TRIO: variants seen among roughly 807,000 people sequenced by gnomAD.
TRIO encodes trio Rho guanine nucleotide exchange factor.
A neutral mutation model predicts 351.9 loss-of-function variants in TRIO; 58 were observed. That is an observed-to-expected ratio of 0.16 (90% CI 0.13 to 0.21). TRIO has a LOEUF of 0.21. Among genes scored for constraint, TRIO ranks in the 10% least tolerant of loss-of-function variants. The pLI is 1.00. For missense variants in TRIO, 3,201 were observed against 4,027.8 expected (o/e 0.79, Z 5.56); for synonymous variants, 1,758 against 1,595.7 (o/e 1.10, Z -2.42).
In TRIO at chr5:14,405,966, C is replaced by A. The variant is rs753101783; in HGVS notation, c.4835C>A (p.Pro1612His). 1 of 1,613,482 alleles carries A rather than the reference C, an allele frequency of 6.2e-7. No homozygotes were observed. Among genetic ancestry groups the A allele is most frequent in the Non-Finnish European group, 8.5e-7 (1 of 1,179,902 alleles). Reference sequence around the variant, plus strand: ...CCCATTCACATCCCTAAGACCGCTCCCGCCACAAGACAGAAGGGAAGGAGG... The same window carrying A: ...CCCATTCACATCCCTAAGACCGCTCACGCCACAAGACAGAAGGGAAGGAGG... ...KEPIHIPKTA[P>H]ATRQKGRRDG... Residue 1612 changes from proline (P) to histidine (H), a missense_variant, in exon 32 of 57, where the codon CCC becomes CAC. Pro to His is a moderately conservative substitution (Grantham distance 77). This residue lies in a region of TRIO where 136 missense variants were observed against 229.5 expected (regional missense o/e 0.59). Transcript: ENST00000344204.
chr5:14,456,009 C>T lies in TRIO; in HGVS notation c.5204-5010C>T, dbSNP rs982506771. ...GGGCTGCAGGTCCCAAGCCCTGCCC[C>T]GCGGGGAGGTGGCTGAGGCCTGGCG... On this transcript the variant is annotated intron_variant, in intron 34 of 56. Coordinates refer to ENST00000344204, the MANE Select transcript of TRIO (RefSeq NM_007118.4). Among the ~76,000 whole-genome samples, 9 of 152,248 alleles carry T rather than the reference C, an allele frequency of 5.9e-5. No individual in the cohort carries two copies. In the South Asian group the frequency reaches 6.2e-4, roughly 10 times the overall value.
At chr5:14,215,952 C>G (rs1056993765) in intron 1 of TRIO, among the ~76,000 whole-genome samples, 3 of 152,184 alleles carry the variant, frequency 2.0e-5, no homozygotes, top group African/African-American at 7.2e-5. Flanking sequence ...ATTCCATCCC[C>G]TCCACTTAAT....
intron 1 of TRIO, among the ~76,000 whole-genome samples, chr5:14,231,134 C>T (rs1793401216): frequency 6.6e-6 from 1 of 152,144 alleles, no homozygotes; most frequent in Admixed American, 6.5e-5. Context: ...CTCTAACAAC[C>T]CTCTCGATCC....
In TRIO at chr5:14,409,631, G is replaced by A. The variant is rs375554819; in HGVS notation, c.4959+2959G>A. On this transcript the variant is annotated intron_variant, in intron 33 of 56. Transcript: ENST00000344204. ...GGGCAGATCACGAGGTCAGGAGATC[G>A]AGACCATCCTGGCTAACATGGTGAA... is the stretch of plus-strand genomic sequence containing the variant. 3.9e-5 allele frequency among the ~76,000 whole-genome samples: 6 copies of A among 151,940 alleles called. No individual in the cohort carries two copies. In the East Asian group the frequency reaches 5.8e-4, roughly 15 times the overall value.
intron 36 of TRIO, 77 bp downstream of exon 36, chr5:14,463,002 G>A: frequency 6.9e-7 from 1 of 1,456,662 alleles, no homozygotes; most frequent in Non-Finnish European, 9.1e-7. Flanking sequence ...CTTCACACCA[G>A]CCTCATTTCA....
chr5:14,340,135 C>T lies in TRIO; in HGVS notation c.2046+3408C>T, dbSNP rs112933948. On this transcript the variant is annotated intron_variant, in intron 11 of 56. Transcript: ENST00000344204. Reference sequence around the variant, plus strand: ...CTTGGCTGGGCGTGGTGATTCACGCCTGTAATCCCAGCACTTTGGGAGGCT... The same window carrying T: ...CTTGGCTGGGCGTGGTGATTCACGCTTGTAATCCCAGCACTTTGGGAGGCT... Among the ~76,000 whole-genome samples the T allele has an allele frequency of 3.8e-4, 58 of 152,108 alleles. 1 individual carries two copies. The highest frequency in any genetic ancestry group is 1.4e-3 in the African/African-American group (58 of 41,410).
intron 34 of TRIO, among the ~76,000 whole-genome samples, chr5:14,460,487 T>TTTACAC (rs1753697110): frequency 2.0e-5 from 3 of 152,202 alleles, no homozygotes; most frequent in African/African-American, 7.2e-5. Flanking sequence ...ATTTTATCCG[T>TTTACAC]AATAATTACA....
intron 34 of TRIO, among the ~76,000 whole-genome samples, chr5:14,456,160 G>T (rs982840977): frequency 3.9e-5 from 6 of 152,246 alleles, no homozygotes; most frequent in Non-Finnish European, 8.8e-5. Flanking sequence ...CTGGCCACTC[G>T]GAGTGCAGGG....
intron 1 of TRIO, among the ~76,000 whole-genome samples, chr5:14,164,292 A>G (rs548722929): frequency 8.5e-5 from 13 of 152,354 alleles, no homozygotes; most frequent in Admixed American, 5.9e-4. Context: ...AGTGAGGGAA[A>G]TAGTGTGGAA....
At chr5:14,479,669 T>G (rs937487459) in intron 42 of TRIO, among the ~76,000 whole-genome samples, 2 of 151,990 alleles carry the variant, frequency 1.3e-5, no homozygotes, top group Non-Finnish European at 2.9e-5. Flanking sequence ...ATATATATAT[T>G]TATATGAATA....
intron 34 of TRIO, among the ~76,000 whole-genome samples, chr5:14,452,918 T>C (rs564867548): frequency 6.6e-6 from 1 of 152,266 alleles, no homozygotes; most frequent in East Asian, 1.9e-4. Flanking sequence ...AAGGTTTTTA[T>C]TAATCACAGA....
At chr5:14,158,149 G>C (rs1004365743) in intron 1 of TRIO, among the ~76,000 whole-genome samples, 1 of 152,112 alleles carries the variant, frequency 6.6e-6, no homozygotes, top group East Asian at 1.9e-4. Context: ...GGAATAGGCC[G>C]GGCGCTGTGG....
chr5:14,175,591 G>C (rs1789357136), intron 1 of TRIO, among the ~76,000 whole-genome samples: 1 of 152,144 alleles, frequency 6.6e-6, no homozygotes, highest in South Asian at 2.1e-4. Context: ...TATTTTGCAA[G>C]CTTGTGTTTC....
At position 14,387,770 on chromosome 5, in the gene TRIO, C is replaced by A. The variant is rs1385454721; in HGVS notation, c.3804C>A (p.Ile1268=). ...AGCTAGATATCATTCCAGCCAGTAT[C>A]CCTGGCTCAGAGGTGAAACTTCGAG... is the stretch of plus-strand genomic sequence containing the variant. ...SLQLDIIPAS[I]PGSEVKLRDA... The change falls in exon 23 of 57, where the codon ATC becomes ATA. Residue 1268 remains isoleucine (I), a synonymous_variant. Transcript: ENST00000344204. The A allele has an allele frequency of 6.2e-7, 1 of 1,614,206 alleles. No individual in the cohort carries two copies. The highest frequency in any genetic ancestry group is 1.7e-5 in the Admixed American group (1 of 60,030).
intron 10 of TRIO, among the ~76,000 whole-genome samples, chr5:14,335,727 G>A (rs530018579): frequency 6.6e-6 from 1 of 152,328 alleles, no homozygotes; most frequent in South Asian, 2.1e-4. Flanking sequence ...TACTTTGGGA[G>A]GCCAAGACGA....
intron 1 of TRIO, among the ~76,000 whole-genome samples, chr5:14,254,395 C>G (rs1225319763): frequency 6.6e-6 from 1 of 152,196 alleles, no homozygotes; most frequent in African/African-American, 2.4e-5. Context: ...TGGTCTCAAA[C>G]TCCAGGATCC....
intron 8 of TRIO, among the ~76,000 whole-genome samples, chr5:14,304,808 C>T (rs548481562): frequency 6.6e-6 from 1 of 152,240 alleles, no homozygotes; most frequent in Non-Finnish European, 1.5e-5. Context: ...AGTAGCCTTT[C>T]CGATAGAGCG....
chr5:14,149,541 G>T, intron 1 of TRIO, among the ~76,000 whole-genome samples: 1 of 152,164 alleles, frequency 6.6e-6, no homozygotes, highest in East Asian at 1.9e-4. Flanking sequence ...TGTATGTGGG[G>T]AAAGAGAGAG....
At chr5:14,233,059 A>G (rs759400680) in intron 1 of TRIO, among the ~76,000 whole-genome samples, 6 of 152,116 alleles carry the variant, frequency 3.9e-5, no homozygotes, top group Non-Finnish European at 5.9e-5. Flanking sequence ...GTGCATCAAC[A>G]TGAAGGATCA....
Sources: gnomAD v4.1 joint callset for allele counts (sites outside exome capture counted in the v4.1 genomes callset) on GRCh38, gnomAD v4.1.1 for gene constraint, gnomAD v4.1.1 regional missense constraint, MANE v1.5 for transcripts, NCBI Gene and HGNC (gene_info 2026-07-23, HGNC 2026-07-21) for gene names.